SCRIB: variants seen among roughly 807,000 people sequenced by gnomAD.
SCRIB encodes protein scribble homolog.
SCRIB carries 72 observed loss-of-function variants against 170.0 expected under a neutral mutation model. The observed-to-expected ratio is 0.42, with a 90% CI of 0.35 to 0.52. SCRIB has a LOEUF of 0.52. SCRIB is among the 20% of genes least tolerant of loss of function. The probability of loss-of-function intolerance (pLI) is 0.02; values close to 1 mark genes in which losing one functional copy is unlikely to be tolerated. For synonymous variants in SCRIB, 1,298 were observed against 1,044.3 expected, an observed-to-expected ratio of 1.24 and a Z score of -4.68; for missense variants, 2,475 against 2,338.5, an observed-to-expected ratio of 1.06 and a Z score of -1.20.
Position 143,811,289 on chromosome 8 carries a change from C to T in SCRIB, c.963G>A (p.Arg321=), listed in dbSNP as rs777546896. Residue 321 remains arginine (R), a synonymous_variant, in exon 10 of 37, where the codon CGG becomes CGA. Transcript: ENST00000356994. The stretch of plus-strand genomic sequence containing the variant: ...CGGGCGGCAGCGCCTCGAGGTGGTT[C>T]CGGTCCACGTTGAGGTTGGTCAGCT... ...LTKLTNLNVD[R]NHLEALPPEI... is the part of the protein sequence containing the mutation. 63 of 1,612,604 alleles carry T rather than the reference C, an allele frequency of 3.9e-5. No individual in the cohort carries two copies. The highest frequency in any genetic ancestry group is 5.2e-5 in the Non-Finnish European group (61 of 1,179,866).
In SCRIB at chr8:143,815,547, G is replaced by C. The variant is rs988877910; in HGVS notation, c.-175C>G. The C allele has an allele frequency of 1.0e-6, 1 of 980,332 alleles. No individual in the cohort carries two copies. Among genetic ancestry groups the C allele is most frequent in the African/African-American group, 1.8e-5 (1 of 56,424 alleles). The allele number at this position is 980,332 out of a possible 1,614,324, so 60.7% of individuals were successfully genotyped here. ...CGGCGCTGGGCCCGGCCCGCGCTCG[G>C]AACGCTCGGACTGCGGGCCTGGGCA... On this transcript the variant is annotated 5_prime_UTR_variant, in exon 1 of 37. Coordinates refer to ENST00000356994, the MANE Select transcript of SCRIB (RefSeq NM_182706.5).
chr8:143,812,131 G>A (rs1398261504), intron 9 of SCRIB, 135 bp downstream of exon 9: 38 of 736,488 alleles, frequency 5.2e-5, no homozygotes, highest in Non-Finnish European at 7.5e-5. Context: ...CCTCTGACAA[G>A]AGAAGAGCCC....
At chr8:143,797,076 G>A (rs920842067) in intron 24 of SCRIB, among the ~76,000 whole-genome samples, 6 of 152,144 alleles carry the variant, frequency 3.9e-5, no homozygotes, top group South Asian at 2.1e-4. Context: ...AGGATCCAGC[G>A]CTCCTGAGAG....
intron 5 of SCRIB, 26 bp from the exon 6 acceptor site, chr8:143,813,400 T>G (rs1815846564): frequency 6.2e-7 from 1 of 1,613,244 alleles, no homozygotes; most frequent in Non-Finnish European, 8.5e-7. Flanking sequence ...GGTGGAGGTG[T>G]GGCCACGCAG....
intron 24 of SCRIB, among the ~76,000 whole-genome samples, chr8:143,803,149 C>T (rs549563720): frequency 3.3e-5 from 5 of 152,296 alleles, no homozygotes; most frequent in Admixed American, 6.5e-5. Flanking sequence ...TCACGTGCCT[C>T]GTCCTACTTG....
intron 1 of SCRIB, chr8:143,814,839 C>T (rs1487719814): frequency 2.5e-5 from 6 of 243,522 alleles, no homozygotes; most frequent in South Asian, 1.1e-4. Flanking sequence ...CACCCCTGCA[C>T]CCAGCAAAAA....
Position 143,791,900 on chromosome 8 carries a change from C to T in SCRIB, c.4671G>A (p.Gln1557=), listed in dbSNP as rs1363575757. ...CCAGGCGTCCCGGGGAGGTGCTGGTCTGGGGGCCGAGGTCTGGGGGGACAA... is the reference window on the plus strand; with the variant it reads ...CCAGGCGTCCCGGGGAGGTGCTGGTTTGGGGGCCGAGGTCTGGGGGGACAA... ...SPTPVEDLGP[Q]TSTSPGRLPL... is the part of the protein sequence containing the mutation. Residue 1557 remains glutamine, a synonymous_variant, in exon 34 of 37, where the codon CAG becomes CAA. Coordinates refer to ENST00000356994, the MANE Select transcript of SCRIB (RefSeq NM_182706.5). 1.3e-6 allele frequency: 2 copies of T among 1,513,282 alleles called. No individual in the cohort carries two copies. Among genetic ancestry groups the T allele is most frequent in the East Asian group, 2.3e-5 (1 of 43,210 alleles). 93.7% of individuals were successfully genotyped at this position (1,513,282 alleles called of 1,614,324 possible).
rs1554632559 is a variant in SCRIB at position 143,791,325 on chromosome 8, G to A, written c.4823-17C>T. The A allele has an allele frequency of 2.5e-6, 4 of 1,585,750 alleles. No homozygotes were observed. Among genetic ancestry groups the A allele is most frequent in the South Asian group, 2.3e-5 (2 of 87,752 alleles). On this transcript the variant is annotated splice_polypyrimidine_tract_variant and intron_variant, in intron 36 of 36. Coordinates refer to ENST00000356994, the MANE Select transcript of SCRIB (RefSeq NM_182706.5). ...CCTGCGGGCCTGGAGGGCAGGGACA[G>A]GTGGGCAGTGAGCTGAGGGCAGCTG... is the stretch of plus-strand genomic sequence containing the variant.
At chr8:143,794,259 C>T (rs1330770058) in intron 27 of SCRIB, 9 of 403,232 alleles carry the variant, frequency 2.2e-5, no homozygotes, top group Non-Finnish European at 3.2e-5. Context: ...AGGGAGGGCT[C>T]GGGGGAGGGG....
chr8:143,812,677 C>T, intron 8 of SCRIB, 140 bp downstream of exon 8: 1 of 1,190,070 alleles, frequency 8.4e-7, no homozygotes, highest in Non-Finnish European at 1.2e-6. Context: ...CCCACCTCCC[C>T]TCCCCAGGGA....
At chr8:143,811,689 G>A (rs1284351731) in intron 9 of SCRIB, among the ~76,000 whole-genome samples, 1 of 152,062 alleles carries the variant, frequency 6.6e-6, no homozygotes, top group African/African-American at 2.4e-5. Flanking sequence ...GTCATCCCTA[G>A]GGCTCCCCAG....
chr8:143,813,021 C>G lies in SCRIB; in HGVS notation c.642+9G>C. 1 of 1,605,344 alleles carries G rather than the reference C, an allele frequency of 6.2e-7. No homozygotes were observed. On this transcript the variant is annotated intron_variant, in intron 7 of 36. Transcript: ENST00000356994. ...CACGAAGCAGGGGGCCAGCCCCACC[C>G]TGACTCACCGGGGGCAGTGCTGACA...
intron 13 of SCRIB, among the ~76,000 whole-genome samples, chr8:143,810,015 C>A (rs1260902807): frequency 6.6e-6 from 1 of 152,120 alleles, no homozygotes; most frequent in Non-Finnish European, 1.5e-5. Flanking sequence ...TATGAACCTC[C>A]TCCCCTCCCA....
Position 143,804,664 on chromosome 8 carries a change from G to A in SCRIB, c.2913C>T (p.Thr971=), listed in dbSNP as rs1554635907. ...CGGGGGTGGCAGTGGTTATGCTGGT[G>A]GTGGCAACAGCAGCGGTGGGGGGTG... ...HSSPPTAAVA[T]TSITTATPGV... The change falls in exon 21 of 37, where the codon ACC becomes ACT. Residue 971 remains threonine, a synonymous_variant. Transcript: ENST00000356994. The A allele has an allele frequency of 6.4e-7, 1 of 1,551,348 alleles. No individual in the cohort carries two copies.
At chr8:143,815,081 G>T (rs777903805) in intron 1 of SCRIB, 133 bp downstream of exon 1, 17 of 1,039,400 alleles carry the variant, frequency 1.6e-5, no homozygotes, top group African/African-American at 5.0e-5. Flanking sequence ...GGCTGGCTGG[G>T]GTGGGGACCT....
chr8:143,812,339 A>G lies in SCRIB; in HGVS notation c.833T>C (p.Leu278Pro), dbSNP rs2130139322. 6.2e-7 allele frequency: 1 copy of G among 1,613,862 alleles called. No homozygotes were observed. Among genetic ancestry groups the G allele is most frequent in the Non-Finnish European group, 8.5e-7 (1 of 1,179,852 alleles). ...LSILKVDQNR[L>P]CEVTEAIGDC... ...CCCGATGGCCTCGGTCACCTCGCAC[A>G]GCCGATTCTGGTCTACCTTTAGGAT... Residue 278 changes from leucine to proline, a missense_variant, in exon 9 of 37, where the codon CTG becomes CCG. Leu to Pro is a moderately conservative substitution (Grantham distance 98). Around this residue, in one of 3 missense-constraint regions of SCRIB, gnomAD observed 487 missense variants for 558.1 expected, o/e 0.87. Transcript: ENST00000356994.
Position 143,812,365 on chromosome 8 carries a change from G to T in SCRIB, c.807C>A (p.Ser269=). 6.2e-7 allele frequency: 1 copy of T among 1,613,204 alleles called. No individual in the cohort carries two copies. Reference sequence around the variant, plus strand: ...GCCGATTCTGGTCTACCTTTAGGATGGATAGCTGCTTCAGCTGACCTGGCG... The same window carrying T: ...GCCGATTCTGGTCTACCTTTAGGATTGATAGCTGCTTCAGCTGACCTGGCG... ...PDGIGQLKQL[S]ILKVDQNRLC... is the part of the protein sequence containing the mutation. The change falls in exon 9 of 37, where the codon TCC becomes TCA. Residue 269 remains serine, a synonymous_variant. Coordinates refer to ENST00000356994, the MANE Select transcript of SCRIB (RefSeq NM_182706.5).
chr8:143,814,307 C>T (rs1169193263), intron 1 of SCRIB, among the ~76,000 whole-genome samples, 189 bp from the exon 2 acceptor site: 4 of 152,118 alleles, frequency 2.6e-5, no homozygotes, highest in Admixed American at 6.5e-5. Flanking sequence ...TACACACGCC[C>T]ACTGTGGCTG....
At chr8:143,796,535 G>C (rs889403884) in intron 24 of SCRIB, among the ~76,000 whole-genome samples, 4 of 152,160 alleles carry the variant, frequency 2.6e-5, no homozygotes, top group African/African-American at 9.7e-5. Context: ...CAGAGCTGTC[G>C]AGCAGGCAGA....
Sources: allele counts gnomAD v4.1 joint callset (sites outside exome capture counted in the v4.1 genomes callset), GRCh38; gene constraint gnomAD v4.1.1; regional missense constraint gnomAD v4.1.1; transcripts MANE v1.5; gene names NCBI Gene and HGNC (gene_info 2026-07-23, HGNC 2026-07-21).